The following UGT1A8 variants were observed in gnomAD, a reference collection of about 807,000 sequenced individuals.
UGT1A8 encodes UDP glucuronosyltransferase family 1 member A8.
A neutral mutation model predicts 45.3 loss-of-function variants in UGT1A8; 39 were observed. The observed-to-expected ratio is 0.86, with a 90% confidence interval of 0.67 to 1.12. The LOEUF (loss-of-function observed/expected upper bound fraction) is 1.12, where lower values mean the gene tolerates loss of function less well. Among genes scored for constraint, UGT1A8 ranks in the 50% most tolerant of loss-of-function variants. The probability of loss-of-function intolerance (pLI) is 0.00; values close to 1 mark genes in which losing one functional copy is unlikely to be tolerated. For missense variants in UGT1A8, 719 were observed against 664.9 expected, an observed-to-expected ratio of 1.08 and a Z score of -0.90; for synonymous variants, 275 against 249.2, an observed-to-expected ratio of 1.10 and a Z score of -0.97.
intron 1 of UGT1A8, among the ~76,000 whole-genome samples, chr2:233,657,837 A>G (rs1401933786): frequency 6.6e-6 from 1 of 152,120 alleles, no homozygotes; most frequent in Non-Finnish European, 1.5e-5. Flanking sequence ...ACTTTTTAAG[A>G]AATTGGGTTT....
At chr2:233,717,798 C>T (rs528751342) in intron 1 of UGT1A8, 2 of 456,098 alleles carry the variant, frequency 4.4e-6, no homozygotes, top group East Asian at 6.9e-5. Flanking sequence ...TGAAGTAGTG[C>T]CCCCACAAAT....
intron 1 of UGT1A8, among the ~76,000 whole-genome samples, chr2:233,748,293 A>G (rs1052851237): frequency 6.6e-6 from 1 of 151,694 alleles, no homozygotes; most frequent in Non-Finnish European, 1.5e-5. Context: ...GCAGACATGA[A>G]TGTTTATCAA....
At chr2:233,751,848 C>A (rs1317042286) in intron 1 of UGT1A8, among the ~76,000 whole-genome samples, 1 of 152,136 alleles carries the variant, frequency 6.6e-6, no homozygotes, top group African/African-American at 2.4e-5. Context: ...GTCATTTAAA[C>A]CTTTGTCTTT....
intron 1 of UGT1A8, among the ~76,000 whole-genome samples, chr2:233,724,201 G>A: frequency 7.6e-6 from 1 of 131,764 alleles, no homozygotes; most frequent in South Asian, 2.7e-4. Flanking sequence ...TGGCTGGCCG[G>A]GCTGAGGGGC....
intron 1 of UGT1A8, chr2:233,743,822 G>A (rs764939970): frequency 2.6e-5 from 36 of 1,367,122 alleles, no homozygotes; most frequent in Admixed American, 3.8e-5. Context: ...GTTTTTGTCG[G>A]GGTGCCACTT....
chr2:233,677,873 T>C (rs2074402355), intron 1 of UGT1A8, among the ~76,000 whole-genome samples: 1 of 152,146 alleles, frequency 6.6e-6, no homozygotes, highest in African/African-American at 2.4e-5. Context: ...TGCACTGGTA[T>C]GTTCATTGCA....
intron 1 of UGT1A8, among the ~76,000 whole-genome samples, chr2:233,742,351 C>G (rs1691948026): frequency 6.6e-6 from 1 of 151,962 alleles, no homozygotes; most frequent in South Asian, 2.1e-4. Flanking sequence ...GGCTAATTAT[C>G]TGCAGCAGAA....
intron 1 of UGT1A8, among the ~76,000 whole-genome samples, chr2:233,619,308 G>C (rs533326774): frequency 1.3e-3 from 197 of 152,128 alleles, no homozygotes; most frequent in African/African-American, 4.6e-3. Context: ...TCTTTACTTT[G>C]GATGCTATGT....
chr2:233,705,136 G>GA (rs11336071), intron 1 of UGT1A8, among the ~76,000 whole-genome samples: 93 of 142,638 alleles, frequency 6.5e-4, no homozygotes, highest in East Asian at 1.9e-3. Context: ...GACTTCGTCT[G>GA]AAAAAAAAAA....
intron 1 of UGT1A8, among the ~76,000 whole-genome samples, chr2:233,632,620 T>G (rs763261151): frequency 6.6e-6 from 1 of 151,934 alleles, no homozygotes; most frequent in Non-Finnish European, 1.5e-5. Context: ...GTTTACAATT[T>G]GGCTCTCTGT....
At chr2:233,767,707 G>A (rs571789905) in intron 2 of UGT1A8, 142 bp from the exon 3 acceptor site, 2 of 1,523,576 alleles carry the variant, frequency 1.3e-6, no homozygotes, top group Non-Finnish European at 1.8e-6. Context: ...CCAGTCCTCA[G>A]AAGCCTTCAC....
At chr2:233,672,834 G>A in intron 1 of UGT1A8, 1 of 1,553,542 alleles carries the variant, frequency 6.4e-7, no homozygotes, top group Non-Finnish European at 8.7e-7. Context: ...TTCACCTTTG[G>A]AAATTAAAAA....
intron 1 of UGT1A8, among the ~76,000 whole-genome samples, chr2:233,652,079 T>A (rs2073757094): frequency 6.6e-6 from 1 of 152,136 alleles, no homozygotes; most frequent in Non-Finnish European, 1.5e-5. Flanking sequence ...AGGAAGGAAT[T>A]CAGGATTACT....
At chr2:233,671,269 C>T (rs10176426) in intron 1 of UGT1A8, among the ~76,000 whole-genome samples, 10,694 of 152,252 alleles carry the variant, frequency 0.07, 543 homozygotes, top group Middle Eastern at 0.14. Context: ...TGCGATGTAT[C>T]TTAGGAAAGC....
At chr2:233,752,028 A>G (rs754794292) in intron 1 of UGT1A8, among the ~76,000 whole-genome samples, 5 of 152,356 alleles carry the variant, frequency 3.3e-5, no homozygotes, top group South Asian at 4.1e-4. Context: ...AGAAATTCCT[A>G]GAAAGGTAAG....
chr2:233,722,246 G>A (rs1029128389), intron 1 of UGT1A8, among the ~76,000 whole-genome samples: 1 of 152,176 alleles, frequency 6.6e-6, no homozygotes, highest in East Asian at 1.9e-4. Context: ...TATTATCTGT[G>A]ACAGACACGC....
chr2:233,745,543 AC>A (rs1237157104), intron 1 of UGT1A8, among the ~76,000 whole-genome samples: 1 of 151,766 alleles, frequency 6.6e-6, no homozygotes, highest in Non-Finnish European at 1.5e-5. Flanking sequence ...TGTCACCAGA[AC>A]AAACTTCTAA....
chr2:233,674,107 A>G (rs1466820211), intron 1 of UGT1A8, among the ~76,000 whole-genome samples: 1 of 152,184 alleles, frequency 6.6e-6, no homozygotes, highest in Non-Finnish European at 1.5e-5. Flanking sequence ...GGGATGGAGT[A>G]TACAATTTAT....
Position 233,772,408 on chromosome 2 carries a change from A to C in UGT1A8, c.1442A>C (p.Tyr481Ser), listed in dbSNP as rs1700517999. 1 of 1,614,210 alleles carries C rather than the reference A, an allele frequency of 6.2e-7. No individual in the cohort carries two copies. Among genetic ancestry groups the C allele is most frequent in the Non-Finnish European group, 8.5e-7 (1 of 1,180,026 alleles). ...CCCGCAGCCCACGACCTCACCTGGT[A>C]CCAGTACCATTCCTTGGACGTGATT... is the stretch of plus-strand genomic sequence containing the variant. ...LRPAAHDLTWYQYHSLDVIGF... is the reference protein window; with the variant it reads ...LRPAAHDLTWSQYHSLDVIGF... Residue 481 changes from tyrosine (Y) to serine (S), a missense_variant, in exon 5 of 5, where the codon TAC becomes TCC. Physicochemically the swap from Tyr to Ser is moderately radical, Grantham distance 144 (BLOSUM62 -2). Transcript: ENST00000373450.
Sources: gnomAD v4.1 joint callset for allele counts (sites outside exome capture counted in the v4.1 genomes callset) on GRCh38, gnomAD v4.1.1 for gene constraint, MANE v1.5 for transcripts, NCBI Gene and HGNC (gene_info 2026-07-23, HGNC 2026-07-21) for gene names.